The following ZNF608 variants were observed in gnomAD, a reference collection of about 807,000 sequenced individuals.
The protein encoded by ZNF608 is renal carcinoma antigen NY-REN-36.
A neutral mutation model predicts 109.0 loss-of-function variants in ZNF608; 12 were observed. The observed-to-expected ratio is 0.11, with a 90% CI of 0.07 to 0.18. The LOEUF is 0.18. Among genes scored for constraint, ZNF608 ranks in the 10% least tolerant of loss-of-function variants. ZNF608 has a pLI of 1.00. For synonymous variants in ZNF608, 732 were observed against 717.4 expected (o/e 1.02, Z -0.33); for missense variants, 1,707 against 1,879.3 (o/e 0.91, Z 1.70).
chr5:124,694,560 A>T (rs1752763721), intron 3 of ZNF608, among the ~76,000 whole-genome samples: 4 of 151,980 alleles, frequency 2.6e-5, no homozygotes, highest in Admixed American at 2.6e-4. Flanking sequence ...ACCTCAAGGA[A>T]CCATCCACAC....
intron 3 of ZNF608, among the ~76,000 whole-genome samples, chr5:124,686,282 C>T (rs189108740): frequency 3.9e-5 from 6 of 152,310 alleles, no homozygotes; most frequent in South Asian, 2.1e-4. Context: ...TAATGCCCTT[C>T]GGTCACCCTA....
At chr5:124,719,158 T>C (rs1753813132) in intron 2 of ZNF608, among the ~76,000 whole-genome samples, 1 of 152,220 alleles carries the variant, frequency 6.6e-6, no homozygotes, top group African/African-American at 2.4e-5. Flanking sequence ...AAGACAGATA[T>C]AAATCCCACT....
chr5:124,649,710 G>A lies in ZNF608; in HGVS notation c.1163-13C>T. The A allele has an allele frequency of 6.4e-7, 1 of 1,551,810 alleles. No individual in the cohort carries two copies. Among genetic ancestry groups the A allele is most frequent in the Non-Finnish European group, 8.8e-7 (1 of 1,140,878 alleles). ...ACCACTAGGACACCTGCAGGAGGCA[G>A]GGGATGAAAAAGGATCATAGTTACC... is the stretch of plus-strand genomic sequence containing the variant. On this transcript the variant is annotated splice_polypyrimidine_tract_variant and intron_variant, in intron 3 of 9. Transcript: ENST00000513986.
chr5:124,647,709 T>G lies in ZNF608; in HGVS notation c.2675A>C (p.Asn892Thr). 6.2e-7 allele frequency: 1 copy of G among 1,614,214 alleles called. No individual in the cohort carries two copies. The highest frequency in any genetic ancestry group is 1.6e-4 in the Middle Eastern group (1 of 6,062). Residue 892 changes from asparagine (N) to threonine (T), a missense_variant, in exon 5 of 10, where the codon AAC (asparagine) becomes ACC (threonine). Around this residue, in one of 7 missense-constraint regions of ZNF608, gnomAD observed 1,073 missense variants for 1,133.5 expected, o/e 0.95. Transcript: ENST00000513986. ...EADKVYTFTD[N>T]APSPSIGSAS... is the part of the protein sequence containing the mutation. The stretch of plus-strand genomic sequence containing the variant: ...GCTCCCTATGGAAGGGCTGGGAGCG[T>G]TGTCTGTGAAAGTGTAAACCTTATC...
chr5:124,640,392 C>A (rs564675140), intron 8 of ZNF608, among the ~76,000 whole-genome samples: 1 of 152,236 alleles, frequency 6.6e-6, no homozygotes, highest in Admixed American at 6.5e-5. Context: ...CACACGAGGG[C>A]TCCCCCCTGC....
In ZNF608 at chr5:124,744,822, G is replaced by T. The variant is rs756666588; in HGVS notation, c.168C>A (p.Thr56=). The change falls in exon 2 of 10, where the codon ACC becomes ACA. Residue 56 remains threonine (T), a synonymous_variant. Coordinates refer to ENST00000513986, the MANE Select transcript of ZNF608 (RefSeq NM_020747.3). The surrounding 1 kb of genome is among the most constrained non-coding windows in gnomAD (Gnocchi z 4.5). ...QKFEMNNSTT[T]TSSSNSKDCG... ...AATCCTTGGAGTTGCTGCTACTAGT[G>T]GTGGTGGTGGAATTATTCATCTCAA... 7 of 1,613,974 alleles carry T rather than the reference G, an allele frequency of 4.3e-6. No homozygotes were observed. The highest frequency in any genetic ancestry group is 5.9e-6 in the Non-Finnish European group (7 of 1,179,968).
At chr5:124,699,974 G>A (rs1752987078) in intron 3 of ZNF608, among the ~76,000 whole-genome samples, 1 of 146,380 alleles carries the variant, frequency 6.8e-6, no homozygotes, top group East Asian at 2.0e-4. Context: ...ATAATTGTGA[G>A]TCTCAGACCC....
Position 124,647,265 on chromosome 5 carries a change from T to C in ZNF608, c.3119A>G (p.Lys1040Arg). 1.2e-6 allele frequency: 2 copies of C among 1,614,236 alleles called. No individual in the cohort carries two copies. Among genetic ancestry groups the C allele is most frequent in the Non-Finnish European group, 1.7e-6 (2 of 1,180,054 alleles). The change falls in exon 5 of 10, where the codon AAG becomes AGG. Residue 1040 changes from lysine to arginine, a missense_variant. Coordinates refer to ENST00000513986, the MANE Select transcript of ZNF608 (RefSeq NM_020747.3). ...ATCTAACTGCTCTGCCTTGTCTTTC[T>C]TTTCAGCATCTTCCTCAGACTCCTT... is the stretch of plus-strand genomic sequence containing the variant. ...IKKESEEDAE[K>R]KDKAEQLDSK...
intron 2 of ZNF608, among the ~76,000 whole-genome samples, chr5:124,725,942 G>C (rs1754118944): frequency 6.6e-6 from 1 of 152,066 alleles, no homozygotes. Flanking sequence ...TTATAGAAAA[G>C]GGTGCTATAT....
chr5:124,740,973 G>C (rs1749369739), intron 2 of ZNF608, among the ~76,000 whole-genome samples: 1 of 152,210 alleles, frequency 6.6e-6, no homozygotes, highest in Admixed American at 6.5e-5. Flanking sequence ...GATACATAAA[G>C]AAGAGCTTCA....
chr5:124,651,789 C>T (rs895671411), intron 3 of ZNF608, among the ~76,000 whole-genome samples: 15 of 152,242 alleles, frequency 9.9e-5, no homozygotes, highest in Admixed American at 4.6e-4. Context: ...GAGGCGGCCG[C>T]CCGGAGCACA....
intron 8 of ZNF608, among the ~76,000 whole-genome samples, chr5:124,640,450 G>A (rs980344992): frequency 3.3e-5 from 5 of 152,122 alleles, no homozygotes; most frequent in East Asian, 1.9e-4. Flanking sequence ...TCATATGAGC[G>A]CACAGCAAGA....
At chr5:124,691,223 G>T (rs763445942) in intron 3 of ZNF608, among the ~76,000 whole-genome samples, 2 of 151,916 alleles carry the variant, frequency 1.3e-5, no homozygotes, top group Non-Finnish European at 2.9e-5. Flanking sequence ...TGCACTCCAG[G>T]CTGGGTGACA....
chr5:124,728,419 GT>G (rs893294724), intron 2 of ZNF608, among the ~76,000 whole-genome samples: 1 of 152,154 alleles, frequency 6.6e-6, no homozygotes, highest in African/African-American at 2.4e-5. Flanking sequence ...CTGACATTTT[GT>G]TTATCTAGCT....
chr5:124,712,691 G>A (rs1161907952), intron 2 of ZNF608, among the ~76,000 whole-genome samples: 3 of 152,052 alleles, frequency 2.0e-5, no homozygotes, highest in African/African-American at 7.2e-5. Flanking sequence ...AGTTGGCCCA[G>A]GGTCCCTGCT....
chr5:124,706,784 G>A (rs1336630385), intron 2 of ZNF608, among the ~76,000 whole-genome samples: 2 of 152,168 alleles, frequency 1.3e-5, no homozygotes, highest in Non-Finnish European at 1.5e-5. Context: ...CTGTCAAACC[G>A]AGGAAAGTTA....
chr5:124,700,927 C>A, intron 3 of ZNF608, 87 bp downstream of exon 3: 1 of 1,545,768 alleles, frequency 6.5e-7, no homozygotes, highest in East Asian at 2.3e-5. Flanking sequence ...CTCTGAATAC[C>A]GCAAAACAAA....
At position 124,646,751 on chromosome 5, in the gene ZNF608, C is replaced by A. The variant is rs773661801; in HGVS notation, c.3633G>T (p.Glu1211Asp). ...KQMENHQLIKEAVEMKSVMDS... is the reference protein window; with the variant it reads ...KQMENHQLIKDAVEMKSVMDS... ...CCATGACAGACTTCATTTCTACAGC[C>A]TCCTTAATAAGCTGGTGGTTTTCCA... The change falls in exon 5 of 10, where the codon GAG (glutamate) becomes GAT (aspartate). Residue 1211 changes from glutamate (E) to aspartate (D), a missense_variant. This residue lies in a region of ZNF608 where 1,073 missense variants were observed against 1,133.5 expected (regional missense o/e 0.95). Coordinates refer to ENST00000513986, the MANE Select transcript of ZNF608 (RefSeq NM_020747.3). The A allele has an allele frequency of 2.5e-6, 4 of 1,614,088 alleles. No individual in the cohort carries two copies. The African/African-American group carries it at 5.3e-5, about 22-fold the overall frequency.
chr5:124,744,728 C>G lies in ZNF608; in HGVS notation c.262G>C (p.Val88Leu), dbSNP rs1443549876. 1.2e-6 allele frequency: 2 copies of G among 1,614,080 alleles called. No homozygotes were observed. The highest frequency in any genetic ancestry group is 1.7e-5 in the Admixed American group (1 of 60,008). The change falls in exon 2 of 10, where the codon GTT (valine) becomes CTT (leucine). Residue 88 changes from valine to leucine, a missense_variant. Transcript: ENST00000513986. The surrounding 1 kb of genome is among the most constrained non-coding windows in gnomAD (Gnocchi z 4.5). ...ALADGLKFAS[V>L]QASAPQGNSH... is the part of the protein sequence containing the mutation. ...TTCCCCTGGGGAGCAGAGGCCTGAACAGAAGCAAATTTTAGGCCATCAGCT... is the reference window on the plus strand; with the variant it reads ...TTCCCCTGGGGAGCAGAGGCCTGAAGAGAAGCAAATTTTAGGCCATCAGCT...
Sources: gnomAD v4.1 joint callset for allele counts (sites outside exome capture counted in the v4.1 genomes callset) on GRCh38, gnomAD v4.1.1 for gene constraint, gnomAD v4.1.1 regional missense constraint, Gnocchi (gnomAD v3.1) non-coding constraint, MANE v1.5 for transcripts, NCBI Gene and HGNC (gene_info 2026-07-23, HGNC 2026-07-21) for gene names.